Variants in PDE7A observed in about 807,000 individuals in gnomAD.
PDE7A encodes high affinity 3',5'-cyclic-AMP phosphodiesterase 7A.
A neutral mutation model predicts 64.3 loss-of-function variants in PDE7A; 39 were observed. The ratio of observed to expected loss-of-function variants is 0.61; its 90% CI spans 0.47 to 0.79. PDE7A has a LOEUF of 0.79. Ranked by LOEUF, PDE7A falls within the 30% of genes least tolerant of loss-of-function variation. The pLI is 0.00. For synonymous variants in PDE7A, 203 were observed against 206.8 expected (o/e 0.98, Z 0.16); for missense variants, 470 against 582.8 (o/e 0.81, Z 1.99).
chr8:65,782,290 A>C lies in PDE7A; in HGVS notation c.199+493T>G, dbSNP rs149227366. Among the ~76,000 whole-genome samples, 1,020 of 152,384 alleles carry C rather than the reference A, an allele frequency of 6.7e-3. 11 individuals are homozygous for C. The highest frequency in any genetic ancestry group is 0.024 in the African/African-American group (979 of 41,596). ...AAAAGAAAATTAGACATATATACGCACATATCTAAATTCATTTTACCTTGC... is the reference window on the plus strand; with the variant it reads ...AAAAGAAAATTAGACATATATACGCCCATATCTAAATTCATTTTACCTTGC... On this transcript the variant is annotated intron_variant, in intron 2 of 12. Transcript: ENST00000401827.
chr8:65,782,167 T>C (rs1055892772), intron 2 of PDE7A, among the ~76,000 whole-genome samples: 23 of 152,226 alleles, frequency 1.5e-4, no homozygotes, highest in African/African-American at 5.3e-4. Context: ...TAAATTTGCC[T>C]GTTGGAATCT....
At chr8:65,731,626 T>C (rs578178172) in intron 7 of PDE7A, 2 of 152,244 alleles carry the variant, frequency 1.3e-5, no homozygotes, top group African/African-American at 4.8e-5. Context: ...TCCACATGAG[T>C]TCAGCCTTGA....
chr8:65,743,158 T>C (rs1360993051), intron 5 of PDE7A, among the ~76,000 whole-genome samples: 2 of 152,144 alleles, frequency 1.3e-5, no homozygotes, highest in African/African-American at 4.8e-5. Context: ...ACCTTGAAAA[T>C]GTTAAGAGTG....
chr8:65,758,992 G>A (rs772355491), intron 3 of PDE7A, among the ~76,000 whole-genome samples: 3 of 152,136 alleles, frequency 2.0e-5, no homozygotes, highest in Non-Finnish European at 4.4e-5. Flanking sequence ...CCGTCATTAT[G>A]TGTCTGAGAG....
At chr8:65,782,506 T>C (rs1809446066) in intron 2 of PDE7A, among the ~76,000 whole-genome samples, 1 of 152,186 alleles carries the variant, frequency 6.6e-6, no homozygotes, top group African/African-American at 2.4e-5. Flanking sequence ...CTAAGACTAT[T>C]TTCTATGAAG....
At chr8:65,812,251 A>T (rs1194368566) in intron 1 of PDE7A, among the ~76,000 whole-genome samples, 1 of 152,074 alleles carries the variant, frequency 6.6e-6, no homozygotes, top group Non-Finnish European at 1.5e-5. Flanking sequence ...AACAAAATAC[A>T]TGCACAAGAA....
chr8:65,745,610 A>G (rs1807639296), intron 4 of PDE7A, 140 bp from the exon 5 acceptor site: 1 of 597,336 alleles, frequency 1.7e-6, no homozygotes, highest in African/African-American at 1.9e-5. Flanking sequence ...TCTTTTAATC[A>G]TGACTTTTTC....
Position 65,723,793 on chromosome 8 carries a change from G to A in PDE7A, c.1163-172C>T, listed in dbSNP as rs555978383. ...AATTTTAAGTTATTTACACATAGAA[G>A]AGATTGCCAAGCTGATATTTTTATT... On this transcript the variant is annotated intron_variant, in intron 11 of 12. Coordinates refer to ENST00000401827, the MANE Select transcript of PDE7A (RefSeq NM_001242318.3). Among the ~76,000 whole-genome samples, 36 of 152,256 alleles carry A rather than the reference G, an allele frequency of 2.4e-4. No individual in the cohort carries two copies. The South Asian group carries it at 7.5e-3, about 32-fold the overall frequency.
At chr8:65,750,186 A>G (rs1455936102) in intron 3 of PDE7A, among the ~76,000 whole-genome samples, 7 of 152,218 alleles carry the variant, frequency 4.6e-5, no homozygotes, top group African/African-American at 1.7e-4. Flanking sequence ...TATCATCTCC[A>G]TTTTACAAAT....
rs139284403 is a variant in PDE7A at position 65,759,288 on chromosome 8, T to C, written c.284-11485A>G. The stretch of plus-strand genomic sequence containing the variant: ...GGGTGAGGGGCTCAGGACAGTACTA[T>C]CTCCTTAAATCTCCTGACAGATGCC... On this transcript the variant is annotated intron_variant, in intron 3 of 12. Coordinates refer to ENST00000401827, the MANE Select transcript of PDE7A (RefSeq NM_001242318.3). Among the ~76,000 whole-genome samples the C allele has an allele frequency of 3.9e-4, 60 of 152,268 alleles. 1 individual carries two copies. Among genetic ancestry groups the C allele is most frequent in the African/African-American group, 1.4e-3 (58 of 41,550 alleles).
At position 65,723,613 on chromosome 8, in the gene PDE7A, C is replaced by A; in HGVS notation, c.1171G>T (p.Glu391Ter). 6.4e-7 allele frequency: 1 copy of A among 1,553,314 alleles called. No individual in the cohort carries two copies. The highest frequency in any genetic ancestry group is 2.3e-5 in the East Asian group (1 of 42,556). Residue 391 changes from glutamate (E) to a stop codon, truncating the protein, a stop_gained, in exon 12 of 13, where the codon GAA becomes TAA. Transcript: ENST00000401827. LOFTEE classifies it high-confidence loss of function. ...TEEFFHQGDI[E>*]KKYHLGVSPL... ...CTCACACCCAAATGATATTTTTTTT[C>A]TATATCTCCTATAAATTAAAAAAAG... is the stretch of plus-strand genomic sequence containing the variant.
intron 3 of PDE7A, among the ~76,000 whole-genome samples, chr8:65,768,518 G>A (rs952949670): frequency 1.3e-5 from 2 of 152,198 alleles, no homozygotes; most frequent in Admixed American, 6.5e-5. Context: ...CCGTAATTGT[G>A]AGGCCTCCCC....
At chr8:65,728,150 G>A (rs980546471) in intron 7 of PDE7A, 1 of 152,114 alleles carries the variant, frequency 6.6e-6, no homozygotes, top group African/African-American at 2.4e-5. Flanking sequence ...TTAGGTTTAC[G>A]TTAGGACAGT....
intron 1 of PDE7A, among the ~76,000 whole-genome samples, chr8:65,830,907 T>A (rs534624482): frequency 6.6e-6 from 1 of 151,954 alleles, no homozygotes; most frequent in African/African-American, 2.4e-5. Context: ...TAGGATAATA[T>A]GTAGAGAAAG....
At chr8:65,783,438 C>T (rs1034589137) in intron 1 of PDE7A, among the ~76,000 whole-genome samples, 1 of 152,208 alleles carries the variant, frequency 6.6e-6, no homozygotes, top group Non-Finnish European at 1.5e-5. Flanking sequence ...TCCTCATCTA[C>T]ACCAAATATA....
intron 1 of PDE7A, among the ~76,000 whole-genome samples, chr8:65,820,956 T>C (rs1488512131): frequency 1.3e-5 from 2 of 152,130 alleles, no homozygotes; most frequent in African/African-American, 4.8e-5. Flanking sequence ...CCAAAATAGA[T>C]TTAAGAAATT....
At chr8:65,805,257 G>A (rs908642110) in intron 1 of PDE7A, among the ~76,000 whole-genome samples, 1 of 152,194 alleles carries the variant, frequency 6.6e-6, no homozygotes, top group Admixed American at 6.5e-5. Context: ...TAGAACCTGG[G>A]ATACAAACTG....
At chr8:65,735,769 G>T (rs1807104236) in intron 6 of PDE7A, among the ~76,000 whole-genome samples, 1 of 152,070 alleles carries the variant, frequency 6.6e-6, no homozygotes. Flanking sequence ...GGGATTACAG[G>T]CACCTGCCAT....
intron 3 of PDE7A, among the ~76,000 whole-genome samples, chr8:65,767,218 C>T (rs1000309679): frequency 6.6e-6 from 1 of 152,188 alleles, no homozygotes; most frequent in African/African-American, 2.4e-5. Flanking sequence ...AAACATGAAG[C>T]ATGAACCTCA....
Sources: gnomAD v4.1 joint callset for allele counts (sites outside exome capture counted in the v4.1 genomes callset) on GRCh38, gnomAD v4.1.1 for gene constraint, MANE v1.5 for transcripts, NCBI Gene and HGNC (gene_info 2026-07-23, HGNC 2026-07-21) for gene names.